HEATR4: variants seen among roughly 807,000 people sequenced by gnomAD.
The protein encoded by HEATR4 is HEAT repeat containing 4, also known as HEAT repeat-containing protein 4.
Under a neutral mutation model 108.8 loss-of-function variants are expected in HEATR4, and 95 were observed. The observed-to-expected ratio is 0.87, with a 90% CI of 0.74 to 1.04. The LOEUF (loss-of-function observed/expected upper bound fraction) is 1.04, where lower values mean the gene tolerates loss of function less well. Among genes scored for constraint, HEATR4 ranks in the 50% least tolerant of loss-of-function variants. HEATR4 has a pLI of 0.00. For synonymous variants in HEATR4, 443 were observed against 459.4 expected (o/e 0.96, Z 0.46); for missense variants, 1,152 against 1,253.8 (o/e 0.92, Z 1.23).
the HEATR4 span, chr14:73,575,710 G>A: frequency 3.6e-6 from 2 of 554,056 alleles, no homozygotes; most frequent in East Asian, 3.2e-5. Flanking sequence ...TGGGAAGGGA[G>A]TAACTGTAGG....
chr14:73,622,775 G>C, the HEATR4 span, among the ~76,000 whole-genome samples: 2 of 152,062 alleles, frequency 1.3e-5, no homozygotes, highest in African/African-American at 4.8e-5. Flanking sequence ...TGAAGCAGAA[G>C]GGAGAAAGAG....
At chr14:73,519,477 G>A (rs1193120617) in intron 4 of HEATR4, among the ~76,000 whole-genome samples, 2 of 152,204 alleles carry the variant, frequency 1.3e-5, no homozygotes, top group South Asian at 2.1e-4. Flanking sequence ...CGGGTGTGGT[G>A]GCTCACACCT....
At chr14:73,612,644 G>T in the HEATR4 span, 4 of 1,402,712 alleles carry the variant, frequency 2.9e-6, no homozygotes, top group Non-Finnish European at 3.7e-6. Flanking sequence ...CGCAGTGCGC[G>T]GCCTGGCCCC....
At chr14:73,528,538 G>A in intron 2 of HEATR4, among the ~76,000 whole-genome samples, 1 of 152,132 alleles carries the variant, frequency 6.6e-6, no homozygotes, top group Non-Finnish European at 1.5e-5. Flanking sequence ...AAAGAGGCTT[G>A]TTCTGGCTTG....
At chr14:73,517,977 T>C (rs1361360284) in intron 5 of HEATR4, among the ~76,000 whole-genome samples, 2 of 152,086 alleles carry the variant, frequency 1.3e-5, no homozygotes, top group Non-Finnish European at 2.9e-5. Context: ...TCCCAGCTAC[T>C]CGTGAGGCAG....
chr14:73,501,017 C>T (rs1886420950), intron 11 of HEATR4, among the ~76,000 whole-genome samples: 1 of 152,244 alleles, frequency 6.6e-6, no homozygotes, highest in African/African-American at 2.4e-5. Flanking sequence ...GTCAAGTTCT[C>T]TTCTCCATTG....
chr14:73,479,629 C>G (rs900565775), intron 17 of HEATR4, among the ~76,000 whole-genome samples: 40 of 151,320 alleles, frequency 2.6e-4, no homozygotes, highest in Non-Finnish European at 4.6e-4. Flanking sequence ...GTAGAGACAG[C>G]GTTTCTCCAT....
chr14:73,613,067 C>T, the HEATR4 span: 1 of 585,368 alleles, frequency 1.7e-6, no homozygotes, highest in Non-Finnish European at 2.8e-6. Context: ...GCTCTGCGAC[C>T]CCCACCGGCC....
chr14:73,574,542 C>T, the HEATR4 span: 23 of 409,098 alleles, frequency 5.6e-5, 1 homozygote, highest in Middle Eastern at 1.5e-3. Flanking sequence ...GGATTACAGG[C>T]GTCAGCCACC....
chr14:73,619,545 G>C, the HEATR4 span: 1 of 1,614,214 alleles, frequency 6.2e-7, no homozygotes, highest in Non-Finnish European at 8.5e-7. Context: ...TTGTTGGCAT[G>C]GATGATCAAA....
At position 73,520,969 on chromosome 14, in the gene HEATR4, G is replaced by A; in HGVS notation, c.952C>T (p.His318Tyr). The A allele has an allele frequency of 1.9e-6, 3 of 1,613,810 alleles. No individual in the cohort carries two copies. The East Asian group carries it at 6.7e-5, about 36-fold the overall frequency. ...MPGNKSTEDI[H>Y]EKTSLSQPQT... ...GGCTGGGAGAGGCTCGTCTTTTCAT[G>A]GATATCCTCAGTGCTCTTGTTGCCA... is the stretch of plus-strand genomic sequence containing the variant. Residue 318 changes from histidine to tyrosine, a missense_variant, in exon 4 of 18, where the codon CAT (histidine) becomes TAT (tyrosine). Transcript: ENST00000553558.
At chr14:73,550,804 A>T (rs113112602) in intron 1 of HEATR4, among the ~76,000 whole-genome samples, 9,717 of 115,506 alleles carry the variant, frequency 0.084, 2,931 homozygotes, top group Middle Eastern at 0.28. Flanking sequence ...GTGTCACATC[A>T]GCCGCCAAAG....
chr14:73,489,040 A>G (rs1260776848), intron 17 of HEATR4, among the ~76,000 whole-genome samples: 1 of 152,130 alleles, frequency 6.6e-6, no homozygotes, highest in Non-Finnish European at 1.5e-5. Context: ...AATAAAATAA[A>G]AATAAAAAAT....
intron 3 of HEATR4, among the ~76,000 whole-genome samples, 168 bp from the exon 4 acceptor site, chr14:73,521,207 T>G (rs1887959424): frequency 6.6e-6 from 1 of 152,122 alleles, no homozygotes; most frequent in South Asian, 2.1e-4. Context: ...ATGGTGCCAG[T>G]TGAATGTGGA....
At chr14:73,574,839 G>A in the HEATR4 span, 1 of 1,609,484 alleles carries the variant, frequency 6.2e-7, no homozygotes. Context: ...CTTCCAGGGT[G>A]GACACAACTC....
chr14:73,567,616 T>C, the HEATR4 span: 1 of 152,100 alleles, frequency 6.6e-6, no homozygotes, highest in African/African-American at 2.4e-5. Flanking sequence ...CAGCTAGTAG[T>C]GGTAACCTGC....
At chr14:73,595,698 T>C in the HEATR4 span, 1 of 1,504,500 alleles carries the variant, frequency 6.6e-7, no homozygotes, top group Non-Finnish European at 8.9e-7. Context: ...GATCAGATTC[T>C]AGTGTTCAGT....
intron 1 of HEATR4, among the ~76,000 whole-genome samples, chr14:73,550,501 G>C (rs1326596096): frequency 8.8e-6 from 1 of 113,892 alleles, no homozygotes; most frequent in African/African-American, 2.9e-5. Flanking sequence ...TACAGCTACT[G>C]TGCATGTGCA....
At chr14:73,509,153 G>A (rs1169392375) in intron 8 of HEATR4, among the ~76,000 whole-genome samples, 159 bp downstream of exon 8, 2 of 152,016 alleles carry the variant, frequency 1.3e-5, no homozygotes, top group African/African-American at 2.4e-5. Context: ...AGGTGTGAGC[G>A]ACAGTGTCTG....
Sources: allele counts gnomAD v4.1 joint callset (sites outside exome capture counted in the v4.1 genomes callset), GRCh38; gene constraint gnomAD v4.1.1; transcripts MANE v1.5; gene names NCBI Gene and HGNC (gene_info 2026-07-23, HGNC 2026-07-21).